Variants in TRIM65 observed in about 807,000 individuals in gnomAD.
The protein encoded by TRIM65 is E3 ubiquitin-protein ligase TRIM65.
TRIM65 carries 46 observed loss-of-function variants against 36.1 expected under a neutral mutation model. The ratio of observed to expected loss-of-function variants is 1.27; its 90% CI spans 1.01 to 1.63. TRIM65 has a LOEUF of 1.63. Among genes scored for constraint, TRIM65 ranks in the 40% most tolerant of loss-of-function variants. The pLI is 0.00. For synonymous variants in TRIM65, 346 were observed against 313.6 expected (o/e 1.10, Z -1.09); for missense variants, 708 against 696.6 (o/e 1.02, Z -0.18).
At chr17:75,895,389 C>G (rs940338647) in intron 1 of TRIM65, among the ~76,000 whole-genome samples, 11 of 152,168 alleles carry the variant, frequency 7.2e-5, no homozygotes, top group African/African-American at 2.7e-4. Flanking sequence ...ATGTGCCAAC[C>G]TGCTTCCAAG....
intron 4 of TRIM65, among the ~76,000 whole-genome samples, chr17:75,883,742 T>C (rs1238934467): frequency 6.6e-6 from 1 of 151,932 alleles, no homozygotes; most frequent in Non-Finnish European, 1.5e-5. Flanking sequence ...TTAGCCAGCA[T>C]GGTCTTGATC....
rs938732033 is a variant in TRIM65, at chr17:75,891,378, G to C, written c.986-31C>G. On this transcript the variant is annotated intron_variant, in intron 5 of 5. Coordinates refer to ENST00000269383, the MANE Select transcript of TRIM65 (RefSeq NM_173547.4). The stretch of plus-strand genomic sequence containing the variant: ...GGGGAAAGGAGGACAGCAGTGGGCT[G>C]GGGGAAGACAGCACAACCAGATCTC... 4 of 1,606,544 alleles carry C rather than the reference G, an allele frequency of 2.5e-6. No individual in the cohort carries two copies. The East Asian group carries it at 6.7e-5, about 27-fold the overall frequency.
At position 75,890,961 on chromosome 17, in the gene TRIM65, C is replaced by T. The variant is rs1203479525; in HGVS notation, c.1372G>A (p.Ala458Thr). The T allele has an allele frequency of 1.9e-6, 3 of 1,561,468 alleles. No homozygotes were observed. The highest frequency in any genetic ancestry group is 2.4e-5 in the East Asian group (1 of 41,416). ...CTGTAGAAGGTGAGGCAGCCTGAGGCCAGGTCCAAATCCATGCCCAGGAGC... is the reference window on the plus strand; with the variant it reads ...CTGTAGAAGGTGAGGCAGCCTGAGGTCAGGTCCAAATCCATGCCCAGGAGC... ...GRLLGMDLDL[A>T]SGCLTFYSLE... Residue 458 changes from alanine (A) to threonine (T), a missense_variant, in exon 6 of 6, where the codon GCC (alanine) becomes ACC (threonine). By Grantham distance (58) the Ala-to-Thr change is moderately conservative. Transcript: ENST00000269383.
Position 75,893,893 on chromosome 17 carries a change from C to T in TRIM65, c.415-1043G>A, listed in dbSNP as rs75177438. Among the ~76,000 whole-genome samples the T allele has an allele frequency of 8.9e-3, 1,352 of 152,228 alleles. 22 individuals carry two copies. Among genetic ancestry groups the T allele is most frequent in the African/African-American group, 0.03 (1,245 of 41,540 alleles). The stretch of plus-strand genomic sequence containing the variant: ...CTTCCTCCACATGGCCCTCATCTAC[C>T]GGCCTCCAACTCAAACTTCCGTGCC... On this transcript the variant is annotated intron_variant, in intron 1 of 5. Transcript: ENST00000269383.
At position 75,892,333 on chromosome 17, in the gene TRIM65, A is replaced by G; in HGVS notation, c.678T>C (p.Ala226=). 6.2e-7 allele frequency: 1 copy of G among 1,612,952 alleles called. No individual in the cohort carries two copies. The highest frequency in any genetic ancestry group is 8.5e-7 in the Non-Finnish European group (1 of 1,179,946). Residue 226 remains alanine, a synonymous_variant, in exon 3 of 6, where the codon GCT becomes GCC. Coordinates refer to ENST00000269383, the MANE Select transcript of TRIM65 (RefSeq NM_173547.4). ...EEQRLRVHLE[A]VARHGCRIRE... ...GGATCCTGCAGCCATGGCGAGCCAC[A>G]GCCTCCAAATGGACCCGCAGCCGCT... is the stretch of plus-strand genomic sequence containing the variant.
Position 75,896,882 on chromosome 17 carries a change from T to G in TRIM65, c.56A>C (p.Tyr19Ser), listed in dbSNP as rs951818053. ...KLTCAICLGL[Y>S]QDPVTLPCGH... is the part of the protein sequence containing the mutation. ...GCAGGGCAGCGTCACTGGGTCCTGG[T>G]AGAGCCCCAGGCAGATGGCGCAGGT... The change falls in exon 1 of 6, where the codon TAC becomes TCC. Residue 19 changes from tyrosine (Y) to serine (S), a missense_variant. By Grantham distance (144) the Tyr-to-Ser change is moderately radical (BLOSUM62 -2). Transcript: ENST00000269383. The G allele has an allele frequency of 6.5e-7, 1 of 1,528,714 alleles. No homozygotes were observed. The allele number at this position is 1,528,714 out of a possible 1,614,324, so 94.7% of individuals were successfully genotyped here. A position where few individuals can be genotyped will look rare whatever the true frequency, so the allele number is the denominator to read the frequency against.
In TRIM65 at chr17:75,891,650, G is replaced by A. The variant is rs569216683; in HGVS notation, c.985+163C>T. Among the ~76,000 whole-genome samples, 13 of 152,292 alleles carry A rather than the reference G, an allele frequency of 8.5e-5. No individual in the cohort carries two copies. The South Asian group carries it at 2.3e-3, about 27-fold the overall frequency. ...GGTGGATGTGCACGAGGTGTGCAGC[G>A]GGTGGGACCAGGCTCAGATGTCCCG... On this transcript the variant is annotated intron_variant, in intron 5 of 5. Transcript: ENST00000269383.
intron 1 of TRIM65, 118 bp from the exon 2 acceptor site, chr17:75,892,968 A>C (rs985099753): frequency 1.2e-6 from 1 of 843,110 alleles, no homozygotes; most frequent in Non-Finnish European, 1.9e-6. Context: ...ACGCCACCCC[A>C]GGCCAGCCTC....
At chr17:75,881,362 C>T (rs1372650608) in intron 4 of TRIM65, among the ~76,000 whole-genome samples, 1 of 150,374 alleles carries the variant, frequency 6.7e-6, no homozygotes, top group Non-Finnish European at 1.5e-5. Flanking sequence ...GGGCTGCTAT[C>T]CCAGAACACC....
rs766394995 is a variant in TRIM65 at position 75,891,738 on chromosome 17, C to T, written c.985+75G>A. 1.3e-4 allele frequency: 128 copies of T among 1,000,694 alleles called. No homozygotes were observed. Among genetic ancestry groups the T allele is most frequent in the Middle Eastern group, 2.7e-4 (1 of 3,680 alleles). The allele number at this position is 1,000,694 out of a possible 1,614,324, so 62.0% of individuals were successfully genotyped here. A position where few individuals can be genotyped will look rare whatever the true frequency, so the allele number is the denominator to read the frequency against. ...GTGCATACGAACATGCACACACACA[C>T]GTGCTCACAGCACACACAGGCACTT... On this transcript the variant is annotated intron_variant, in intron 5 of 5. Coordinates refer to ENST00000269383, the MANE Select transcript of TRIM65 (RefSeq NM_173547.4).
rs1452805485 is a variant in TRIM65 at position 75,889,050 on chromosome 17, GCCCT to G, written c.*1725_*1728del. 1 of 151,140 alleles carries G rather than the reference GCCCT, an allele frequency of 6.6e-6. No homozygotes were observed. Among genetic ancestry groups the G allele is most frequent in the African/African-American group, 2.4e-5 (1 of 41,144 alleles). 9.4% of individuals were successfully genotyped at this position (151,140 alleles called of 1,614,324 possible). ...TTTTTCAAGTTACAAAAAGCAGACA[GCCCT>G]CCCTTTTTTTTTTTTTTTTTGAGAC... is the stretch of plus-strand genomic sequence containing the variant. On this transcript the variant is annotated 3_prime_UTR_variant, in exon 6 of 6. Coordinates refer to ENST00000269383, the MANE Select transcript of TRIM65 (RefSeq NM_173547.4).
intron 4 of TRIM65, among the ~76,000 whole-genome samples, chr17:75,883,497 T>A (rs557868984): frequency 6.6e-6 from 1 of 151,656 alleles, no homozygotes; most frequent in East Asian, 1.9e-4. Flanking sequence ...TTTGTTTCAT[T>A]GTCTTTTTTT....
downstream of TRIM65, among the ~76,000 whole-genome samples, chr17:75,887,542 G>A (rs2065217175): frequency 6.6e-6 from 1 of 151,716 alleles, no homozygotes; most frequent in African/African-American, 2.4e-5. Flanking sequence ...AGCTACTCTG[G>A]GGGCTGAGAC....
At chr17:75,893,521 C>T (rs1456274546) in intron 1 of TRIM65, among the ~76,000 whole-genome samples, 6 of 152,110 alleles carry the variant, frequency 3.9e-5, no homozygotes, top group African/African-American at 9.7e-5. Flanking sequence ...GGACAAACCA[C>T]GCAGGTCCCA....
chr17:75,888,352 C>CAA (rs1251206237), downstream of TRIM65, among the ~76,000 whole-genome samples: 1 of 91,094 alleles, frequency 1.1e-5, no homozygotes, highest in African/African-American at 4.2e-5. Flanking sequence ...GACTCTGTCT[C>CAA]AAAAAAAAAA....
downstream of TRIM65, among the ~76,000 whole-genome samples, chr17:75,887,154 TAAAAAA>T (rs5822108): frequency 2.0e-5 from 2 of 101,742 alleles, no homozygotes; most frequent in Non-Finnish European, 3.9e-5. Context: ...CCCCATCTCT[TAAAAAA>T]AAAAAAAAAA....
At chr17:75,881,525 A>G (rs1013756664) in intron 4 of TRIM65, among the ~76,000 whole-genome samples, 1 of 150,626 alleles carries the variant, frequency 6.6e-6, no homozygotes, top group Non-Finnish European at 1.5e-5. Flanking sequence ...CATGGCCAAG[A>G]GACAGCCAGA....
rs143502035 is a variant in TRIM65 at position 75,894,234 on chromosome 17, C to T, written c.415-1384G>A. On this transcript the variant is annotated intron_variant, in intron 1 of 5. Coordinates refer to ENST00000269383, the MANE Select transcript of TRIM65 (RefSeq NM_173547.4). ...CTGCCCATCAGGCCTCCTGGCCACCCCTTCCCTTCCTGTCCCATCCAGCGT... is the reference window on the plus strand; with the variant it reads ...CTGCCCATCAGGCCTCCTGGCCACCTCTTCCCTTCCTGTCCCATCCAGCGT... 4.3e-3 allele frequency among the ~76,000 whole-genome samples: 662 copies of T among 152,324 alleles called. 12 individuals are homozygous for T. Among genetic ancestry groups the T allele is most frequent in the Admixed American group, 0.033 (512 of 15,298 alleles).
At chr17:75,896,385 T>A in intron 1 of TRIM65, 139 bp downstream of exon 1, 2 of 1,191,064 alleles carry the variant, frequency 1.7e-6, no homozygotes, top group African/African-American at 1.6e-5. Context: ...AGCTCCCAGG[T>A]TGGGAGAAGC....
Sources: allele counts gnomAD v4.1 joint callset (sites outside exome capture counted in the v4.1 genomes callset), GRCh38; gene constraint gnomAD v4.1.1; transcripts MANE v1.5; gene names NCBI Gene and HGNC (gene_info 2026-07-23, HGNC 2026-07-21).